Variants in PDE4B observed in about 807,000 individuals in gnomAD.
PDE4B encodes the protein phosphodiesterase 4B.
Under a neutral mutation model 82.2 loss-of-function variants are expected in PDE4B, and 20 were observed. That is an observed-to-expected ratio of 0.24 (90% CI 0.17 to 0.35). The LOEUF (loss-of-function observed/expected upper bound fraction) is 0.35. Ranked by LOEUF, PDE4B falls within the 10% of genes least tolerant of loss-of-function variation. The probability of loss-of-function intolerance (pLI) is 1.00; values close to 1 mark genes in which losing one functional copy is unlikely to be tolerated. For missense variants in PDE4B, 655 were observed against 907.2 expected (o/e 0.72, Z 3.57); for synonymous variants, 320 against 318.9 (o/e 1.00, Z -0.04).
At chr1:65,886,298 G>A (rs537316768) in intron 1 of PDE4B, among the ~76,000 whole-genome samples, 17 of 152,004 alleles carry the variant, frequency 1.1e-4, no homozygotes, top group African/African-American at 4.1e-4. Flanking sequence ...GTGGTATTTT[G>A]TTATATGCGC....
intron 7 of PDE4B, chr1:66,266,522 C>A: frequency 2.8e-6 from 1 of 358,954 alleles, no homozygotes; most frequent in Non-Finnish European, 5.4e-6. Context: ...ATAGATTCCA[C>A]TTGAATCTAC....
chr1:66,247,738 AT>A (rs1653434937), intron 4 of PDE4B, 84 bp downstream of exon 4: 1 of 1,011,066 alleles, frequency 9.9e-7, no homozygotes, highest in Admixed American at 2.6e-5. Context: ...ACAATTCCCC[AT>A]TAATCTATGG....
intron 7 of PDE4B, among the ~76,000 whole-genome samples, chr1:66,277,050 C>A (rs1335884999): frequency 6.6e-6 from 1 of 152,044 alleles, no homozygotes; most frequent in African/African-American, 2.4e-5. Context: ...TGTTATCATT[C>A]TGGGGCCTAA....
At chr1:66,186,193 T>C (rs1347955236) in intron 3 of PDE4B, among the ~76,000 whole-genome samples, 2 of 152,216 alleles carry the variant, frequency 1.3e-5, no homozygotes, top group East Asian at 1.9e-4. Flanking sequence ...CATTGGTCTA[T>C]ATCTCTGTTT....
chr1:66,180,903 T>G (rs1265095783), intron 3 of PDE4B, among the ~76,000 whole-genome samples: 1 of 152,168 alleles, frequency 6.6e-6, no homozygotes, highest in African/African-American at 2.4e-5. Context: ...TAATACATAT[T>G]TTAAAATAAA....
intron 3 of PDE4B, among the ~76,000 whole-genome samples, chr1:66,173,474 A>T (rs925330826): frequency 4.6e-5 from 7 of 152,232 alleles, no homozygotes; most frequent in Non-Finnish European, 1.0e-4. Flanking sequence ...AAAAAACTCA[A>T]GCAAGTGCTG....
At chr1:65,940,976 G>A (rs1648413515) in intron 3 of PDE4B, among the ~76,000 whole-genome samples, 1 of 151,308 alleles carries the variant, frequency 6.6e-6, no homozygotes, top group South Asian at 2.1e-4. Flanking sequence ...CCACCATATA[G>A]ATTTAACAAA....
At chr1:66,017,803 T>C (rs1652861025) in intron 3 of PDE4B, among the ~76,000 whole-genome samples, 1 of 151,970 alleles carries the variant, frequency 6.6e-6, no homozygotes, top group East Asian at 1.9e-4. Context: ...GAAATCTTAA[T>C]GATGATAATC....
chr1:65,796,184 T>A (rs1488227563), intron 1 of PDE4B, among the ~76,000 whole-genome samples: 1 of 152,234 alleles, frequency 6.6e-6, no homozygotes, highest in Non-Finnish European at 1.5e-5. Context: ...TTGATTATGA[T>A]GTGTTTTGGC....
intron 3 of PDE4B, among the ~76,000 whole-genome samples, chr1:66,173,510 T>C (rs921916951): frequency 6.6e-6 from 1 of 152,214 alleles, no homozygotes; most frequent in Non-Finnish European, 1.5e-5. Flanking sequence ...TCTATTTGAA[T>C]TTACCTATAG....
intron 3 of PDE4B, among the ~76,000 whole-genome samples, chr1:66,205,265 T>G (rs1286229211): frequency 1.3e-5 from 2 of 152,288 alleles, no homozygotes; most frequent in East Asian, 3.9e-4. Flanking sequence ...TCTACTCAAG[T>G]GGCCTAGGGA....
chr1:66,050,285 C>G (rs1242528552), intron 3 of PDE4B, among the ~76,000 whole-genome samples: 1 of 151,834 alleles, frequency 6.6e-6, no homozygotes, highest in Non-Finnish European at 1.5e-5. Flanking sequence ...GTATCGGTGG[C>G]CAGTGGCAGG....
intron 3 of PDE4B, among the ~76,000 whole-genome samples, chr1:66,061,251 A>G (rs575758011): frequency 1.3e-5 from 2 of 149,622 alleles, no homozygotes; most frequent in East Asian, 3.9e-4. Flanking sequence ...CTGTCTTCAT[A>G]CTAGATAATA....
At chr1:65,975,769 G>A (rs1398489792) in intron 3 of PDE4B, among the ~76,000 whole-genome samples, 1 of 152,230 alleles carries the variant, frequency 6.6e-6, no homozygotes, top group Non-Finnish European at 1.5e-5. Flanking sequence ...GGGGGAGTAA[G>A]CCCCAAGCCT....
intron 3 of PDE4B, among the ~76,000 whole-genome samples, chr1:66,206,340 T>G (rs1649552441): frequency 6.6e-6 from 1 of 152,148 alleles, no homozygotes; most frequent in Admixed American, 6.5e-5. Context: ...GGAGAGTGTC[T>G]AGGCTGGAGC....
intron 3 of PDE4B, among the ~76,000 whole-genome samples, chr1:65,994,305 CA>C (rs1337704352): frequency 6.6e-6 from 1 of 152,060 alleles, no homozygotes; most frequent in Non-Finnish European, 1.5e-5. Context: ...TGATAGATAC[CA>C]CATGCTTAGC....
chr1:66,326,574 A>C (rs777638894), intron 7 of PDE4B, among the ~76,000 whole-genome samples: 1 of 152,170 alleles, frequency 6.6e-6, no homozygotes, highest in African/African-American at 2.4e-5. Context: ...CAATTGTTTT[A>C]GCCACTAGAA....
At chr1:66,232,868 G>A (rs570122595) in intron 3 of PDE4B, among the ~76,000 whole-genome samples, 25 of 152,254 alleles carry the variant, frequency 1.6e-4, no homozygotes, top group African/African-American at 5.8e-4. Context: ...TTAAGGAAAT[G>A]GAGACAGCAA....
At chr1:66,140,851 G>C (rs1315124243) in intron 3 of PDE4B, among the ~76,000 whole-genome samples, 1 of 152,094 alleles carries the variant, frequency 6.6e-6, no homozygotes, top group Admixed American at 6.5e-5. Flanking sequence ...ATACATTTTT[G>C]CTCTCTTGAA....
Sources: allele counts gnomAD v4.1 joint callset (sites outside exome capture counted in the v4.1 genomes callset), GRCh38; gene constraint gnomAD v4.1.1; transcripts MANE v1.5; gene names NCBI Gene and HGNC (gene_info 2026-07-23, HGNC 2026-07-21).